GIGYF2: variants seen among roughly 807,000 people sequenced by gnomAD.
The protein encoded by GIGYF2 is GRB10 interacting GYF protein 2.
GIGYF2 carries 25 observed loss-of-function variants against 208.1 expected under a neutral mutation model. The ratio of observed to expected loss-of-function variants is 0.12; its 90% CI spans 0.09 to 0.17. GIGYF2 has a LOEUF of 0.17. Ranked by LOEUF, GIGYF2 falls within the 10% of genes least tolerant of loss-of-function variation. GIGYF2 has a pLI of 1.00. For missense variants in GIGYF2, 1,302 were observed against 1,579.4 expected (o/e 0.82, Z 2.98); for synonymous variants, 534 against 543.8 (o/e 0.98, Z 0.25).
intron 2 of GIGYF2, among the ~76,000 whole-genome samples, chr2:232,719,729 G>T (rs1222947361): frequency 1.3e-5 from 2 of 152,164 alleles, no homozygotes; most frequent in Admixed American, 1.3e-4. Context: ...CAGTTATTTA[G>T]AAGTTGACAA....
chr2:232,700,019 C>T (rs1695775888), intron 1 of GIGYF2, among the ~76,000 whole-genome samples: 1 of 152,156 alleles, frequency 6.6e-6, no homozygotes, highest in African/African-American at 2.4e-5. Flanking sequence ...TTTTACTGAG[C>T]TTTCATAAAT....
At chr2:232,801,470 A>G (rs1394024870) in intron 14 of GIGYF2, among the ~76,000 whole-genome samples, 2 of 152,220 alleles carry the variant, frequency 1.3e-5, no homozygotes. Flanking sequence ...GGCTGCATTG[A>G]GCACAGCACT....
intron 18 of GIGYF2, among the ~76,000 whole-genome samples, chr2:232,814,565 A>C (rs5004510): frequency 0.16 from 11,942 of 74,986 alleles, 1,587 homozygotes; most frequent in Non-Finnish European, 0.2. Context: ...TCCACCTCAA[A>C]CCCCCCCCCC....
rs1553538601 is a variant in GIGYF2 at position 232,847,412 on chromosome 2, G to T, written c.3525G>T (p.Arg1175Ser). The change falls in exon 27 of 29, where the codon AGG becomes AGT. Residue 1175 changes from arginine (R) to serine (S), a missense_variant. Arg to Ser is a moderately radical substitution (Grantham distance 110). Transcript: ENST00000373563. ...CTTATGAGGTCCATGATTATATCAGGGCCTATTTAGGAGATACTTCTGAGG... is the reference window on the plus strand; with the variant it reads ...CTTATGAGGTCCATGATTATATCAGTGCCTATTTAGGAGATACTTCTGAGG... ...ESPYEVHDYIRAYLGDTSEAK... is the reference protein window; with the variant it reads ...ESPYEVHDYISAYLGDTSEAK... 1.9e-6 allele frequency: 3 copies of T among 1,613,650 alleles called. No homozygotes were observed. The highest frequency in any genetic ancestry group is 2.5e-6 in the Non-Finnish European group (3 of 1,179,772).
At position 232,806,756 on chromosome 2, in the gene GIGYF2, G is replaced by C; in HGVS notation, c.1806+99G>C. On this transcript the variant is annotated intron_variant, in intron 15 of 28. Transcript: ENST00000373563. This position sits in a 1 kb window ranked among gnomAD's most constrained non-coding sequence, Gnocchi z 4.0. ...AAATATATCATCTAATGAAGGAATT[G>C]TAGTTCTTTGAAATTAATGGAAATG... 1.2e-6 allele frequency: 1 copy of C among 862,624 alleles called. No homozygotes were observed. The highest frequency in any genetic ancestry group is 2.0e-6 in the Non-Finnish European group (1 of 502,108). 53.4% of individuals were successfully genotyped at this position (862,624 alleles called of 1,614,324 possible).
intron 2 of GIGYF2, among the ~76,000 whole-genome samples, chr2:232,723,494 G>A (rs1194257785): frequency 1.4e-5 from 2 of 146,496 alleles, no homozygotes; most frequent in African/African-American, 2.5e-5. Context: ...GCAGTGGCAC[G>A]ATCTCAGCTC....
intron 8 of GIGYF2, chr2:232,764,370 A>G (rs1391474168): frequency 6.6e-6 from 1 of 152,212 alleles, no homozygotes; most frequent in Admixed American, 6.5e-5. Context: ...TGATAGGCCC[A>G]TTGTCTTTTA....
At chr2:232,711,705 G>GTA (rs55893272) in intron 2 of GIGYF2, among the ~76,000 whole-genome samples, 2,853 of 115,622 alleles carry the variant, frequency 0.025, 125 homozygotes, top group African/African-American at 0.061. Context: ...TCACAATGAT[G>GTA]TATATATATA....
In GIGYF2 at chr2:232,702,371, G is replaced by A. The variant is rs544918768; in HGVS notation, c.-109-1053G>A. Among the ~76,000 whole-genome samples the A allele has an allele frequency of 5.4e-4, 82 of 152,016 alleles. 1 individual carries two copies. The highest frequency in any genetic ancestry group is 1.9e-3 in the African/African-American group (78 of 41,434). ...GGAGACTTGCTTGAACCTGGGAGGCGGAGGTTGCCTTGAGCCCAGATCGTG... is the reference window on the plus strand; with the variant it reads ...GGAGACTTGCTTGAACCTGGGAGGCAGAGGTTGCCTTGAGCCCAGATCGTG... On this transcript the variant is annotated intron_variant, in intron 1 of 28. Transcript: ENST00000373563.
intron 16 of GIGYF2, chr2:232,810,188 G>C (rs1700693147): frequency 5.0e-6 from 1 of 201,224 alleles, no homozygotes; most frequent in South Asian, 8.0e-5. Flanking sequence ...GGGTTTTACT[G>C]TGTTGGCGAG....
rs1016438456 is a variant in GIGYF2 at position 232,814,422 on chromosome 2, G to T, written c.2108-1215G>T. On this transcript the variant is annotated intron_variant, in intron 18 of 28. Coordinates refer to ENST00000373563, the MANE Select transcript of GIGYF2 (RefSeq NM_001103146.3). ...CTAAAAATAAAAAAAAATTAGCCAG[G>T]TGTGGTGTCGGGCACCTGTAATCCC... Among the ~76,000 whole-genome samples, 5 of 151,732 alleles carry T rather than the reference G, an allele frequency of 3.3e-5. No individual in the cohort carries two copies. In the South Asian group the frequency reaches 6.3e-4, roughly 19 times the overall value.
intron 2 of GIGYF2, among the ~76,000 whole-genome samples, chr2:232,706,223 A>AGC (rs1696103896): frequency 6.6e-6 from 1 of 152,208 alleles, no homozygotes; most frequent in Non-Finnish European, 1.5e-5. Flanking sequence ...AGCAGATTGT[A>AGC]GCTGAATTCA....
At position 232,858,647 on chromosome 2, in the gene GIGYF2, C is replaced by T. The variant is rs1167860711; in HGVS notation, c.*1787C>T. 2.3e-6 allele frequency: 1 copy of T among 442,724 alleles called. No individual in the cohort carries two copies. Among genetic ancestry groups the T allele is most frequent in the Non-Finnish European group, 4.5e-6 (1 of 221,676 alleles). 27.4% of individuals were successfully genotyped at this position (442,724 alleles called of 1,614,324 possible). On this transcript the variant is annotated 3_prime_UTR_variant, in exon 29 of 29. Coordinates refer to ENST00000373563, the MANE Select transcript of GIGYF2 (RefSeq NM_001103146.3). ...ATTCTATCTGAGTGCACCTCTTGTACTCACCTTTATGGAGGCTGAGTTCTG... is the reference window on the plus strand; with the variant it reads ...ATTCTATCTGAGTGCACCTCTTGTATTCACCTTTATGGAGGCTGAGTTCTG...
chr2:232,754,741 T>G (rs1698466358), intron 5 of GIGYF2, among the ~76,000 whole-genome samples: 1 of 152,170 alleles, frequency 6.6e-6, no homozygotes. Context: ...TTTCAATCAG[T>G]TTTCTTTTTT....
chr2:232,787,119 A>G (rs984232022), intron 8 of GIGYF2, 31 bp from the exon 9 acceptor site: 4 of 1,538,340 alleles, frequency 2.6e-6, no homozygotes, highest in African/African-American at 2.7e-5. Context: ...GCAGAGGCTC[A>G]TGTTTACTTA....
At position 232,791,156 on chromosome 2, in the gene GIGYF2, A is replaced by G; in HGVS notation, c.1079A>G (p.Asp360Gly). 1 of 1,614,038 alleles carries G rather than the reference A, an allele frequency of 6.2e-7. No individual in the cohort carries two copies. The highest frequency in any genetic ancestry group is 1.1e-5 in the South Asian group (1 of 91,076). Reference sequence around the variant, plus strand: ...AATAAGAAAGAAGGAGAGAAAACAGATAGAGTAGGAGTTGGTAAGGCCTCT... The same window carrying G: ...AATAAGAAAGAAGGAGAGAAAACAGGTAGAGTAGGAGTTGGTAAGGCCTCT... ...KTNKKEGEKT[D>G]RVGVEASEET... Residue 360 changes from aspartate to glycine, a missense_variant, in exon 11 of 29, where the codon GAT becomes GGT. Physicochemically the swap from Asp to Gly is moderately conservative, Grantham distance 94. Coordinates refer to ENST00000373563, the MANE Select transcript of GIGYF2 (RefSeq NM_001103146.3).
At position 232,844,487 on chromosome 2, in the gene GIGYF2, A is replaced by C; in HGVS notation, c.3218A>C (p.Asn1073Thr). Reference protein sequence around the residue: ...SSIWSNADTKNSNMGFWDDAV... With the variant: ...SSIWSNADTKTSNMGFWDDAV... ...ATTTGGAGTAATGCTGACACTAAAA[A>C]CTCCAACATGGGATTCTGGGATGAT... is the stretch of plus-strand genomic sequence containing the variant. Residue 1073 changes from asparagine (N) to threonine (T), a missense_variant, in exon 25 of 29, where the codon AAC becomes ACC. Asn to Thr is a moderately conservative substitution (Grantham distance 65). Coordinates refer to ENST00000373563, the MANE Select transcript of GIGYF2 (RefSeq NM_001103146.3). 1 of 1,613,572 alleles carries C rather than the reference A, an allele frequency of 6.2e-7. No homozygotes were observed. Among genetic ancestry groups the C allele is most frequent in the Non-Finnish European group, 8.5e-7 (1 of 1,179,620 alleles).
intron 21 of GIGYF2, among the ~76,000 whole-genome samples, chr2:232,825,562 T>C (rs549109466): frequency 3.3e-5 from 5 of 152,292 alleles, no homozygotes; most frequent in East Asian, 1.9e-4. Context: ...TTGCTTCTTA[T>C]GGAAGCAACT....
chr2:232,828,484 ACT>A (rs1420696564), intron 21 of GIGYF2, among the ~76,000 whole-genome samples: 1 of 149,562 alleles, frequency 6.7e-6, no homozygotes, highest in Non-Finnish European at 1.5e-5. Flanking sequence ...TCCAGGTCTC[ACT>A]CTGTTGCCCA....
Sources: gnomAD v4.1 joint callset for allele counts (sites outside exome capture counted in the v4.1 genomes callset) on GRCh38, gnomAD v4.1.1 for gene constraint, Gnocchi (gnomAD v3.1) non-coding constraint, MANE v1.5 for transcripts, NCBI Gene and HGNC (gene_info 2026-07-23, HGNC 2026-07-21) for gene names.